Variants in FBXO25 observed in about 807,000 individuals in gnomAD.
FBXO25 encodes F-box only protein 25.
A neutral mutation model predicts 51.9 loss-of-function variants in FBXO25; 45 were observed. The observed-to-expected ratio is 0.87, with a 90% CI of 0.68 to 1.11. The LOEUF is 1.11. FBXO25 is among the 50% of genes most tolerant of loss of function. The pLI is 0.00. For synonymous variants in FBXO25, 199 were observed against 151.0 expected, an observed-to-expected ratio of 1.32 and a Z score of -2.33; for missense variants, 507 against 428.5, an observed-to-expected ratio of 1.18 and a Z score of -1.62.
At chr8:447,662 G>A (rs1798825801) in intron 5 of FBXO25, among the ~76,000 whole-genome samples, 1 of 152,092 alleles carries the variant, frequency 6.6e-6, no homozygotes, top group South Asian at 2.1e-4. Context: ...AGATAACTTG[G>A]GGCTGGGATA....
In FBXO25 at chr8:468,063, C is replaced by A. The variant is rs1006915542; in HGVS notation, c.988-652C>A. On this transcript the variant is annotated intron_variant, in intron 9 of 9. Coordinates refer to ENST00000350302, the MANE Select transcript of FBXO25 (RefSeq NM_183420.2). ...ATGCCATGGAGAGATCCAGCACTGACCCCAGAGCCTCTGGTCCCGTTTACC... is the reference window on the plus strand; with the variant it reads ...ATGCCATGGAGAGATCCAGCACTGAACCCAGAGCCTCTGGTCCCGTTTACC... 8 of 1,157,456 alleles carry A rather than the reference C, an allele frequency of 6.9e-6. No homozygotes were observed. The African/African-American group carries it at 1.1e-4, about 16-fold the overall frequency. 71.7% of individuals were successfully genotyped at this position (1,157,456 alleles called of 1,614,324 possible).
chr8:449,629 C>T (rs1431903080), intron 5 of FBXO25, among the ~76,000 whole-genome samples: 1 of 152,168 alleles, frequency 6.6e-6, no homozygotes, highest in Non-Finnish European at 1.5e-5. Flanking sequence ...AGTGCCCAAC[C>T]ATTCATTCTA....
intron 5 of FBXO25, among the ~76,000 whole-genome samples, chr8:440,400 C>A (rs1798354000): frequency 6.6e-6 from 1 of 152,170 alleles, no homozygotes; most frequent in South Asian, 2.1e-4. Flanking sequence ...GAGGTAAAGA[C>A]AAGAAAATGG....
At chr8:465,993 G>C (rs975273088) in intron 9 of FBXO25, among the ~76,000 whole-genome samples, 1 of 152,134 alleles carries the variant, frequency 6.6e-6, no homozygotes, top group Non-Finnish European at 1.5e-5. Flanking sequence ...AAGGACAGCT[G>C]CCCATCTCTT....
At chr8:448,880 GGA>G (rs2116708324) in intron 5 of FBXO25, among the ~76,000 whole-genome samples, 1 of 152,284 alleles carries the variant, frequency 6.6e-6, no homozygotes, top group South Asian at 2.1e-4. Context: ...GGATTCCGAA[GGA>G]GAGGGAATTA....
intron 7 of FBXO25, among the ~76,000 whole-genome samples, chr8:452,201 T>G (rs1799140578): frequency 6.6e-6 from 1 of 152,226 alleles, no homozygotes; most frequent in Admixed American, 6.5e-5. Context: ...TTTTGGCTGT[T>G]TATTTGCCAT....
intron 7 of FBXO25, among the ~76,000 whole-genome samples, chr8:452,601 G>C (rs1447001745): frequency 6.6e-6 from 1 of 152,210 alleles, no homozygotes; most frequent in Non-Finnish European, 1.5e-5. Flanking sequence ...AATAGGGTGT[G>C]TCCTTGTCCA....
At chr8:416,522 G>C (rs1172350779) in intron 2 of FBXO25, among the ~76,000 whole-genome samples, 2 of 152,216 alleles carry the variant, frequency 1.3e-5, no homozygotes, top group African/African-American at 2.4e-5. Context: ...ATTACCCCCA[G>C]GGGTAGAGTC....
Position 469,066 on chromosome 8 carries a change from C to CTCTA in FBXO25, c.*263_*264insCTAT. ...GTGAAATTTTGCGTACTCTCTCTCTCTATATATATAGTTCAAAAATACTTT... is the reference window on the plus strand; with the variant it reads ...GTGAAATTTTGCGTACTCTCTCTCTCTCTATATATATATAGTTCAAAAATACTTT... On this transcript the variant is annotated 3_prime_UTR_variant, in exon 10 of 10. Coordinates refer to ENST00000350302, the MANE Select transcript of FBXO25 (RefSeq NM_183420.2). 2.8e-6 allele frequency: 1 copy of CTCTA among 359,322 alleles called. No individual in the cohort carries two copies. The highest frequency in any genetic ancestry group is 7.7e-5 in the South Asian group (1 of 13,018). 22.3% of individuals were successfully genotyped at this position (359,322 alleles called of 1,614,324 possible). A position where few individuals can be genotyped will look rare whatever the true frequency, so the allele number is the denominator to read the frequency against.
At chr8:462,425 A>T (rs1799874750) in intron 8 of FBXO25, among the ~76,000 whole-genome samples, 1 of 152,214 alleles carries the variant, frequency 6.6e-6, no homozygotes, top group Non-Finnish European at 1.5e-5. Flanking sequence ...TTAATTTAAT[A>T]ATACATTATG....
Position 450,095 on chromosome 8 carries a change from A to G in FBXO25, c.475+12A>G, listed in dbSNP as rs766089971. ...AATCGTTCAAAAGGGTAAGATGATC[A>G]CTGTATTTTTAATACTCTAAATCTT... On this transcript the variant is annotated intron_variant, in intron 6 of 9. Coordinates refer to ENST00000350302, the MANE Select transcript of FBXO25 (RefSeq NM_183420.2). 1.9e-6 allele frequency: 3 copies of G among 1,582,218 alleles called. No individual in the cohort carries two copies. The highest frequency in any genetic ancestry group is 1.4e-5 in the African/African-American group (1 of 73,808).
At chr8:434,029 A>G (rs1432483639) in intron 4 of FBXO25, among the ~76,000 whole-genome samples, 1 of 152,196 alleles carries the variant, frequency 6.6e-6, no homozygotes, top group Non-Finnish European at 1.5e-5. Flanking sequence ...AGAGGATCCC[A>G]TCCAAGCTAG....
chr8:417,586 TC>T, intron 2 of FBXO25, among the ~76,000 whole-genome samples: 1 of 152,168 alleles, frequency 6.6e-6, no homozygotes, highest in Non-Finnish European at 1.5e-5. Context: ...TTGCACAGGG[TC>T]CTTGGGTCTG....
At chr8:431,513 G>C in intron 3 of FBXO25, 69 bp downstream of exon 3, 1 of 769,620 alleles carries the variant, frequency 1.3e-6, no homozygotes, top group African/African-American at 1.8e-5. Flanking sequence ...CTCTGACAAT[G>C]CTATCTTATG....
chr8:427,219 G>C (rs535109058), intron 2 of FBXO25, among the ~76,000 whole-genome samples: 3 of 152,084 alleles, frequency 2.0e-5, no homozygotes, highest in African/African-American at 7.2e-5. Flanking sequence ...GGGAGGAGCT[G>C]ACCAAAATGT....
intron 1 of FBXO25, among the ~76,000 whole-genome samples, chr8:407,867 G>T (rs1240711431): frequency 1.3e-5 from 2 of 151,990 alleles, no homozygotes; most frequent in Non-Finnish European, 1.5e-5. Flanking sequence ...AGCTCAATTT[G>T]ACCTTTTTCT....
At chr8:453,382 C>T (rs957643753) in intron 7 of FBXO25, among the ~76,000 whole-genome samples, 1 of 152,122 alleles carries the variant, frequency 6.6e-6, no homozygotes, top group Non-Finnish European at 1.5e-5. Context: ...CTGTGAGGAT[C>T]TTGGCTTCTG....
rs896055408 is a variant in FBXO25, at chr8:452,790, G to A, written c.660+1337G>A. Among the ~76,000 whole-genome samples the A allele has an allele frequency of 2.6e-5, 4 of 152,318 alleles. No individual in the cohort carries two copies. The South Asian group carries it at 6.2e-4, about 24-fold the overall frequency. On this transcript the variant is annotated intron_variant, in intron 7 of 9. Coordinates refer to ENST00000350302, the MANE Select transcript of FBXO25 (RefSeq NM_183420.2). Reference sequence around the variant, plus strand: ...GATGTGCACCGGTGGAGACAACAGCGAAGCTCCAAGGATTGGGCCACACCT... The same window carrying A: ...GATGTGCACCGGTGGAGACAACAGCAAAGCTCCAAGGATTGGGCCACACCT...
intron 7 of FBXO25, among the ~76,000 whole-genome samples, chr8:456,002 A>AT (rs371251621): frequency 1.6e-4 from 25 of 152,104 alleles, no homozygotes; most frequent in African/African-American, 5.5e-4. Flanking sequence ...CTAATCCGGG[A>AT]TTTTTTTTCT....
Sources: gnomAD v4.1 joint callset for allele counts (sites outside exome capture counted in the v4.1 genomes callset) on GRCh38, gnomAD v4.1.1 for gene constraint, MANE v1.5 for transcripts, NCBI Gene and HGNC (gene_info 2026-07-23, HGNC 2026-07-21) for gene names.